Variants in TBC1D22A observed in about 807,000 individuals in gnomAD.
The protein encoded by TBC1D22A is TBC1 domain family member 22A.
A neutral mutation model predicts 60.2 loss-of-function variants in TBC1D22A; 38 were observed. That is an observed-to-expected ratio of 0.63 (90% CI 0.49 to 0.83). The LOEUF (loss-of-function observed/expected upper bound fraction) is 0.83, where lower values mean the gene tolerates loss of function less well. Among genes scored for constraint, TBC1D22A ranks in the 40% least tolerant of loss-of-function variants. TBC1D22A has a pLI of 0.00. For missense variants in TBC1D22A, 628 were observed against 701.0 expected, an observed-to-expected ratio of 0.90 and a Z score of 1.18; for synonymous variants, 302 against 281.7, an observed-to-expected ratio of 1.07 and a Z score of -0.72.
At chr22:47,093,838 A>G (rs1057194500) in intron 11 of TBC1D22A, among the ~76,000 whole-genome samples, 9 of 152,236 alleles carry the variant, frequency 5.9e-5, no homozygotes. Flanking sequence ...AGGTTGTTAC[A>G]GAAACACCAG....
chr22:47,110,980 C>T (rs372988252), intron 11 of TBC1D22A, among the ~76,000 whole-genome samples: 120 of 152,318 alleles, frequency 7.9e-4, no homozygotes, highest in African/African-American at 2.8e-3. Context: ...GGGCGTGAGC[C>T]GTGTCCTTCC....
intron 8 of TBC1D22A, among the ~76,000 whole-genome samples, chr22:46,944,583 A>T (rs2072400886): frequency 6.6e-6 from 1 of 152,140 alleles, no homozygotes; most frequent in Non-Finnish European, 1.5e-5. Flanking sequence ...TATTTTTAGT[A>T]GAGATGGGGT....
At chr22:47,037,656 G>C (rs1305944155) in intron 11 of TBC1D22A, among the ~76,000 whole-genome samples, 3 of 151,980 alleles carry the variant, frequency 2.0e-5, no homozygotes, top group Non-Finnish European at 4.4e-5. Flanking sequence ...AAAAATAAAA[G>C]AGTATACTCC....
intron 12 of TBC1D22A, among the ~76,000 whole-genome samples, chr22:47,127,174 C>A (rs1042094981): frequency 6.6e-6 from 1 of 151,960 alleles, no homozygotes; most frequent in Non-Finnish European, 1.5e-5. Context: ...CTACTCCTTG[C>A]CCCATGTGGA....
At chr22:47,131,410 G>T (rs1255786951) in intron 12 of TBC1D22A, among the ~76,000 whole-genome samples, 1 of 152,232 alleles carries the variant, frequency 6.6e-6, no homozygotes, top group Non-Finnish European at 1.5e-5. Flanking sequence ...TAATCGGCCA[G>T]TAGTGAACGT....
rs1022622386 is a variant in TBC1D22A, at chr22:47,024,406, T to C, written c.1202-12665T>C. On this transcript the variant is annotated intron_variant, in intron 10 of 12. Transcript: ENST00000337137. Reference sequence around the variant, plus strand: ...TTCAATGCAAATGATCTAGACACTTTAATTAAAAGGCAGATCGTGTTAGAT... The same window carrying C: ...TTCAATGCAAATGATCTAGACACTTCAATTAAAAGGCAGATCGTGTTAGAT... 2.6e-5 allele frequency among the ~76,000 whole-genome samples: 4 copies of C among 152,292 alleles called. No individual in the cohort carries two copies. In the East Asian group the frequency reaches 7.7e-4, roughly 29 times the overall value.
intron 11 of TBC1D22A, among the ~76,000 whole-genome samples, chr22:47,062,087 C>CAAAAAAAAAAAAAA (rs908701365): frequency 1.1e-4 from 7 of 63,000 alleles, no homozygotes; most frequent in Admixed American, 2.1e-4. Flanking sequence ...GACTCCATCT[C>CAAAAAAAAAAAAAA]AAAAAAAAAA....
chr22:47,170,561 G>T (rs1056890729), intron 12 of TBC1D22A, among the ~76,000 whole-genome samples: 3 of 152,210 alleles, frequency 2.0e-5, no homozygotes, highest in Non-Finnish European at 4.4e-5. Context: ...TTGAGGAAGT[G>T]GGGGTGGAAG....
In TBC1D22A at chr22:47,159,892, C is replaced by T. The variant is rs532622900; in HGVS notation, c.1426-13606C>T. 3.9e-4 allele frequency among the ~76,000 whole-genome samples: 44 copies of T among 113,906 alleles called. No individual in the cohort carries two copies. The East Asian group carries it at 0.01, about 27-fold the overall frequency. The allele number at this position is 113,906 out of a possible 152,430, so 74.7% of individuals were successfully genotyped here. On this transcript the variant is annotated intron_variant, in intron 12 of 12. Coordinates refer to ENST00000337137, the MANE Select transcript of TBC1D22A (RefSeq NM_014346.5). ...ATAGTGCACCCACCATACATGCACA[C>T]ATCCTCCACACCACACACATGTGCC...
chr22:46,851,419 G>C (rs999397585), intron 4 of TBC1D22A, among the ~76,000 whole-genome samples: 12 of 152,358 alleles, frequency 7.9e-5, no homozygotes, highest in African/African-American at 2.9e-4. Context: ...CCTTCCAGCG[G>C]GAGAGGCTCC....
intron 4 of TBC1D22A, among the ~76,000 whole-genome samples, chr22:46,813,848 T>C (rs573015767): frequency 1.3e-5 from 2 of 152,340 alleles, no homozygotes; most frequent in South Asian, 2.1e-4. Context: ...AGGGGTTCCA[T>C]GAAGGCAGGG....
intron 11 of TBC1D22A, among the ~76,000 whole-genome samples, chr22:47,095,832 A>G (rs2065150448): frequency 1.3e-5 from 2 of 152,182 alleles, no homozygotes; most frequent in African/African-American, 4.8e-5. Context: ...CAGTGAGGGG[A>G]TGCTGAGCGG....
At position 46,852,187 on chromosome 22, in the gene TBC1D22A, C is replaced by T. The variant is rs1466662679; in HGVS notation, c.638-26466C>T. On this transcript the variant is annotated intron_variant, in intron 4 of 12. Transcript: ENST00000337137. ...CACAGTGGCCTTGTATCTGTGTAAGCCCTTGCTGGCCTGTCCTTCTCAAAG... is the reference window on the plus strand; with the variant it reads ...CACAGTGGCCTTGTATCTGTGTAAGTCCTTGCTGGCCTGTCCTTCTCAAAG... Among the ~76,000 whole-genome samples the T allele has an allele frequency of 2.0e-5, 3 of 152,202 alleles. No homozygotes were observed. In the East Asian group the frequency reaches 5.8e-4, roughly 29 times the overall value.
At chr22:47,022,470 C>G (rs2062123769) in intron 10 of TBC1D22A, among the ~76,000 whole-genome samples, 1 of 151,752 alleles carries the variant, frequency 6.6e-6, no homozygotes, top group African/African-American at 2.4e-5. Context: ...GCCACGGCAT[C>G]TGGGGGTTCT....
intron 12 of TBC1D22A, among the ~76,000 whole-genome samples, chr22:47,133,954 C>T (rs1431446388): frequency 1.3e-5 from 2 of 152,140 alleles, no homozygotes; most frequent in Non-Finnish European, 2.9e-5. Context: ...GTTGGCATTT[C>T]AACCTCAGGA....
chr22:47,052,493 T>C (rs549226646), intron 11 of TBC1D22A, among the ~76,000 whole-genome samples: 1 of 152,060 alleles, frequency 6.6e-6, no homozygotes, highest in Non-Finnish European at 1.5e-5. Flanking sequence ...TGGGGAGCAT[T>C]GTGTACAGAG....
intron 5 of TBC1D22A, among the ~76,000 whole-genome samples, chr22:46,879,375 C>G (rs940255459): frequency 6.6e-6 from 1 of 152,140 alleles, no homozygotes; most frequent in East Asian, 1.9e-4. Context: ...GAGTTTGGCC[C>G]TGCCCACCAT....
At chr22:47,097,543 G>A (rs552749739) in intron 11 of TBC1D22A, among the ~76,000 whole-genome samples, 11 of 152,090 alleles carry the variant, frequency 7.2e-5, no homozygotes, top group South Asian at 4.1e-4. Flanking sequence ...CTTGGGAGGC[G>A]GAGCTTGCAG....
intron 12 of TBC1D22A, among the ~76,000 whole-genome samples, chr22:47,165,258 C>T (rs965908235): frequency 9.9e-5 from 15 of 152,104 alleles, no homozygotes; most frequent in African/African-American, 3.1e-4. Context: ...CCAGGGGGTG[C>T]GCGGACCCCT....
Sources: allele counts gnomAD v4.1 joint callset (sites outside exome capture counted in the v4.1 genomes callset), GRCh38; gene constraint gnomAD v4.1.1; transcripts MANE v1.5; gene names NCBI Gene and HGNC (gene_info 2026-07-23, HGNC 2026-07-21).